SPIRE2: variants seen among roughly 807,000 people sequenced by gnomAD.
The protein encoded by SPIRE2 is protein spire homolog 2.
In SPIRE2, 76 loss-of-function variants were observed where a neutral mutation model predicts 80.7. The observed-to-expected ratio is 0.94, with a 90% CI of 0.78 to 1.14. The LOEUF is 1.14. Among genes scored for constraint, SPIRE2 ranks in the 50% most tolerant of loss-of-function variants. The pLI, the probability that SPIRE2 is intolerant of heterozygous loss-of-function variation, is 0.00. For missense variants in SPIRE2, 1,196 were observed against 1,015.3 expected (o/e 1.18, Z -2.42); for synonymous variants, 535 against 432.6 (o/e 1.24, Z -2.94).
At position 89,828,640 on chromosome 16, in the gene SPIRE2, C is replaced by A; in HGVS notation, c.90C>A (p.Ala30=). 1 of 1,358,426 alleles carries A rather than the reference C, an allele frequency of 7.4e-7. No homozygotes were observed. Among genetic ancestry groups the A allele is most frequent in the Non-Finnish European group, 9.6e-7 (1 of 1,044,906 alleles). The allele number at this position is 1,358,426 out of a possible 1,614,324, so 84.1% of individuals were successfully genotyped here. A position where few individuals can be genotyped will look rare whatever the true frequency, so the allele number is the denominator to read the frequency against. Residue 30 remains alanine, a synonymous_variant, in exon 1 of 15, where the codon GCC becomes GCA. Transcript: ENST00000378247. This position sits in a 1 kb window ranked among gnomAD's most constrained non-coding sequence, Gnocchi z 5.9. ...TGTCCCTGGAGGAGGTGCTGAAGGCCTACGAGCAGCCGCTCAACGAGGAGC... is the reference window on the plus strand; with the variant it reads ...TGTCCCTGGAGGAGGTGCTGAAGGCATACGAGCAGCCGCTCAACGAGGAGC... ...WELSLEEVLK[A]YEQPLNEEQA...
At chr16:89,839,448 G>A (rs1190341209) in intron 1 of SPIRE2, among the ~76,000 whole-genome samples, 2 of 151,704 alleles carry the variant, frequency 1.3e-5, no homozygotes, top group East Asian at 3.9e-4. Context: ...AGTGTTGGCA[G>A]TGGGTGGGGG....
rs762873230 is a variant in SPIRE2, at chr16:89,858,462, C to G, written c.1227C>G (p.Leu409=). Residue 409 remains leucine (L), a synonymous_variant, in exon 8 of 15, where the codon CTC becomes CTG. Transcript: ENST00000378247. ...SAQRPRPRVL[L]KAPTLAEMEE... The stretch of plus-strand genomic sequence containing the variant: ...AGCGCCCGCGGCCCCGCGTGCTGCT[C>G]AAGGCGCCTACCTTGGCTGAAATGG... 2.5e-6 allele frequency: 4 copies of G among 1,609,056 alleles called. No individual in the cohort carries two copies. Among genetic ancestry groups the G allele is most frequent in the Non-Finnish European group, 2.5e-6 (3 of 1,178,454 alleles).
At chr16:89,834,587 A>T (rs1419788724) in intron 1 of SPIRE2, among the ~76,000 whole-genome samples, 1 of 113,830 alleles carries the variant, frequency 8.8e-6, no homozygotes, top group Admixed American at 9.1e-5. Context: ...CCATAAGCAT[A>T]GCCCGTGTGA....
intron 1 of SPIRE2, chr16:89,836,401 A>G (rs1304548751): frequency 2.7e-6 from 1 of 367,224 alleles, no homozygotes; most frequent in Non-Finnish European, 5.5e-6. Flanking sequence ...AGTGCCCACA[A>G]CCCACCTCCA....
intron 1 of SPIRE2, among the ~76,000 whole-genome samples, chr16:89,833,220 C>A (rs2041405229): frequency 1.3e-5 from 2 of 152,012 alleles, no homozygotes; most frequent in South Asian, 4.1e-4. Context: ...AACTCCTGAC[C>A]TCAGGTGATC....
intron 13 of SPIRE2, among the ~76,000 whole-genome samples, chr16:89,869,053 A>AAAAAAAAT: frequency 4.2e-5 from 1 of 24,030 alleles, no homozygotes; most frequent in Non-Finnish European, 7.5e-5. Context: ...AAAAAAAAAA[A>AAAAAAAAT]ATATATATAT....
Position 89,860,698 on chromosome 16 carries a change from G to C in SPIRE2, c.1478G>C (p.Ser493Thr). 6.3e-7 allele frequency: 1 copy of C among 1,592,426 alleles called. No individual in the cohort carries two copies. Among genetic ancestry groups the C allele is most frequent in the Non-Finnish European group, 8.5e-7 (1 of 1,169,846 alleles). Reference sequence around the variant, plus strand: ...TCTCCCCCAGGTACCTGTCCCGCGAGTGTCTCTGACCCCAGCCACCCCCTA... The same window carrying C: ...TCTCCCCCAGGTACCTGTCCCGCGACTGTCTCTGACCCCAGCCACCCCCTA... The part of the protein sequence containing the change: ...GSRDQGTCPA[S>T]VSDPSHPLLS... Residue 493 changes from serine (S) to threonine (T), a missense_variant, in exon 10 of 15, where the codon AGT (serine) becomes ACT (threonine). Physicochemically the swap from Ser to Thr is moderately conservative, Grantham distance 58. Transcript: ENST00000378247.
At chr16:89,864,127 T>C (rs1421833883) in intron 12 of SPIRE2, among the ~76,000 whole-genome samples, 1 of 152,054 alleles carries the variant, frequency 6.6e-6, no homozygotes, top group East Asian at 1.9e-4. Context: ...AAACAGGATG[T>C]GAAACAATGG....
rs1298186156 is a variant in SPIRE2 at position 89,863,744 on chromosome 16, C to T, written c.1711-50C>T. 6.2e-7 allele frequency: 1 copy of T among 1,607,776 alleles called. No individual in the cohort carries two copies. Among genetic ancestry groups the T allele is most frequent in the Non-Finnish European group, 8.5e-7 (1 of 1,174,414 alleles). On this transcript the variant is annotated intron_variant, in intron 11 of 14. Coordinates refer to ENST00000378247, the MANE Select transcript of SPIRE2 (RefSeq NM_032451.2). This position sits in a 1 kb window ranked among gnomAD's most constrained non-coding sequence, Gnocchi z 4.3. ...AGGGGGTAGCAGGGACAGGGCGGGA[C>T]CCCAGGGAGCTTTGGACAAAGCGGG... is the stretch of plus-strand genomic sequence containing the variant.
chr16:89,856,721 A>G (rs1190542433), intron 7 of SPIRE2, among the ~76,000 whole-genome samples: 1 of 151,554 alleles, frequency 6.6e-6, no homozygotes, highest in Non-Finnish European at 1.5e-5. Context: ...TGGCCTCCCA[A>G]AATGCTGGCA....
rs1433545325 is a variant in SPIRE2, at chr16:89,850,429, G to A, written c.414G>A (p.Glu138=). 3 of 1,583,270 alleles carry A rather than the reference G, an allele frequency of 1.9e-6. No individual in the cohort carries two copies. The highest frequency in any genetic ancestry group is 2.7e-5 in the African/African-American group (2 of 74,576). The part of the protein sequence containing the change: ...LIDLMANNDS[E]DSGCGAADEG... ...ACCTCATGGCCAACAACGACAGCGA[G>A]GACAGCGGCTGCGGTGCCGCCGATG... Residue 138 remains glutamate (E), a synonymous_variant, in exon 3 of 15, where the codon GAG becomes GAA. Coordinates refer to ENST00000378247, the MANE Select transcript of SPIRE2 (RefSeq NM_032451.2).
At chr16:89,847,503 G>A (rs928080426) in intron 2 of SPIRE2, among the ~76,000 whole-genome samples, 1 of 152,202 alleles carries the variant, frequency 6.6e-6, no homozygotes, top group Admixed American at 6.5e-5. Context: ...CATCTTAAAC[G>A]TTTTACAGAG....
In SPIRE2 at chr16:89,863,473, T is replaced by G; in HGVS notation, c.1576-3T>G. 6.2e-7 allele frequency: 1 copy of G among 1,613,904 alleles called. No individual in the cohort carries two copies. The highest frequency in any genetic ancestry group is 8.5e-7 in the Non-Finnish European group (1 of 1,179,992). ...AGACTTCCTACCTGAGGCCGTCCCC[T>G]AGGAGTTCAGCCACCCCGTGGAGAG... On this transcript the variant is annotated splice_polypyrimidine_tract_variant and splice_region_variant and intron_variant, in intron 10 of 14. Transcript: ENST00000378247. The surrounding 1 kb of genome is among the most constrained non-coding windows in gnomAD (Gnocchi z 4.3).
Position 89,854,588 on chromosome 16 carries a change from C to G in SPIRE2, c.828C>G (p.Leu276=), listed in dbSNP as rs1379597647. Residue 276 remains leucine (L), a synonymous_variant, in exon 5 of 15, where the codon CTC becomes CTG. Transcript: ENST00000378247. ...EFNPLPTEFQ[L]TPFEMLMQDI... is the part of the protein sequence containing the mutation. Reference sequence around the variant, plus strand: ...ACCCCCTCCCCACCGAGTTCCAGCTCACGCCCTTCGAGATGCTGATGCAGG... The same window carrying G: ...ACCCCCTCCCCACCGAGTTCCAGCTGACGCCCTTCGAGATGCTGATGCAGG... 6.2e-7 allele frequency: 1 copy of G among 1,612,330 alleles called. No homozygotes were observed. The highest frequency in any genetic ancestry group is 1.3e-5 in the African/African-American group (1 of 74,884).
chr16:89,830,948 T>C (rs534171776), intron 1 of SPIRE2, among the ~76,000 whole-genome samples: 9,231 of 144,752 alleles, frequency 0.064, 698 homozygotes, highest in East Asian at 0.24. Context: ...CTCGCTCTGT[T>C]GCCCAGGCTG....
chr16:89,870,489 A>T lies in SPIRE2; in HGVS notation c.*217A>T. ...CTGGGGGAGGCTGTTTCTTCTCAGG[A>T]TTCCTTGCCAGGGAGGAAGGGGAGG... On this transcript the variant is annotated 3_prime_UTR_variant, in exon 15 of 15. Transcript: ENST00000378247. 2 of 499,534 alleles carry T rather than the reference A, an allele frequency of 4.0e-6. No individual in the cohort carries two copies. Among genetic ancestry groups the T allele is most frequent in the Non-Finnish European group, 7.2e-6 (2 of 279,090 alleles). 30.9% of individuals were successfully genotyped at this position (499,534 alleles called of 1,614,324 possible). A position where few individuals can be genotyped will look rare whatever the true frequency, so the allele number is the denominator to read the frequency against.
Position 89,854,645 on chromosome 16 carries a change from G to A in SPIRE2, c.885G>A (p.Lys295=). ...DIRARNYKLR[K]VMVDGDIPPR... is the part of the protein sequence containing the mutation. ...GGGCCCGGAACTACAAGCTGCGCAA[G>A]GTCATGGTGAGCGGGGCAGACGCAG... Residue 295 remains lysine, a synonymous_variant, in exon 5 of 15, where the codon AAG becomes AAA. Transcript: ENST00000378247. 3 of 1,612,150 alleles carry A rather than the reference G, an allele frequency of 1.9e-6. No homozygotes were observed. Among genetic ancestry groups the A allele is most frequent in the African/African-American group, 1.3e-5 (1 of 75,044 alleles).
Position 89,850,373 on chromosome 16 carries a change from G to A in SPIRE2, c.358G>A (p.Glu120Lys), listed in dbSNP as rs966690988. 5 of 1,599,320 alleles carry A rather than the reference G, an allele frequency of 3.1e-6. No homozygotes were observed. Among genetic ancestry groups the A allele is most frequent in the Middle Eastern group, 1.6e-4 (1 of 6,068 alleles). ...DWGLDESEER[E>K]LSPQLERLID... ...GGGGCTGGACGAGAGCGAGGAGCGC[G>A]AACTCAGCCCTCAGCTGGAGCGGCT... Residue 120 changes from glutamate (E) to lysine (K), a missense_variant, in exon 3 of 15, where the codon GAA becomes AAA. By Grantham distance (56) the Glu-to-Lys change is moderately conservative (BLOSUM62 1). Coordinates refer to ENST00000378247, the MANE Select transcript of SPIRE2 (RefSeq NM_032451.2).
At chr16:89,851,949 C>G (rs73270323) in intron 3 of SPIRE2, among the ~76,000 whole-genome samples, 3,455 of 151,384 alleles carry the variant, frequency 0.023, 153 homozygotes, top group African/African-American at 0.08. Context: ...GGTTTTGACG[C>G]CGGGTGGCAG....
Sources: allele counts gnomAD v4.1 joint callset (sites outside exome capture counted in the v4.1 genomes callset), GRCh38; gene constraint gnomAD v4.1.1; non-coding constraint Gnocchi (gnomAD v3.1); transcripts MANE v1.5; gene names NCBI Gene and HGNC (gene_info 2026-07-23, HGNC 2026-07-21).